Variants in ZSWIM5 observed in about 807,000 individuals in gnomAD.
ZSWIM5 encodes the protein zinc finger SWIM domain-containing protein 5.
A neutral mutation model predicts 119.6 loss-of-function variants in ZSWIM5; 55 were observed. The observed-to-expected ratio is 0.46, with a 90% CI of 0.37 to 0.58. The LOEUF (loss-of-function observed/expected upper bound fraction) is 0.58, where lower values mean the gene tolerates loss of function less well. Among genes scored for constraint, ZSWIM5 ranks in the 20% least tolerant of loss-of-function variants. The pLI, the probability that ZSWIM5 is intolerant of heterozygous loss-of-function variation, is 0.00. For missense variants in ZSWIM5, 1,193 were observed against 1,512.8 expected (o/e 0.79, Z 3.51); for synonymous variants, 537 against 606.9 (o/e 0.88, Z 1.69).
chr1:45,106,149 G>A (rs1332651455), intron 1 of ZSWIM5, among the ~76,000 whole-genome samples: 9 of 137,330 alleles, frequency 6.6e-5, no homozygotes, highest in South Asian at 4.7e-4. Flanking sequence ...GGTGAGGGGC[G>A]TCTCTGCCCG....
intron 1 of ZSWIM5, among the ~76,000 whole-genome samples, chr1:45,111,452 T>C (rs1446949563): frequency 1.3e-5 from 2 of 152,042 alleles, no homozygotes; most frequent in Non-Finnish European, 2.9e-5. Context: ...TAGTTTCCTA[T>C]CGCTGCTGTA....
chr1:45,111,781 C>T (rs947412422), intron 1 of ZSWIM5, among the ~76,000 whole-genome samples: 11 of 152,244 alleles, frequency 7.2e-5, no homozygotes, highest in African/African-American at 2.7e-4. Context: ...TTGCATTGGG[C>T]CTGCCCAGAT....
chr1:45,123,354 G>A (rs1482276251), intron 1 of ZSWIM5, among the ~76,000 whole-genome samples: 1 of 152,046 alleles, frequency 6.6e-6, no homozygotes, highest in Non-Finnish European at 1.5e-5. Flanking sequence ...TTTTCAATGA[G>A]CAATGACAAC....
At chr1:45,096,599 A>G (rs930812726) in intron 1 of ZSWIM5, among the ~76,000 whole-genome samples, 7 of 152,024 alleles carry the variant, frequency 4.6e-5, no homozygotes, top group African/African-American at 1.7e-4. Flanking sequence ...TTTAACACTG[A>G]GCAGGCCCTG....
chr1:45,174,550 T>C (rs1403672431), intron 1 of ZSWIM5, among the ~76,000 whole-genome samples: 1 of 143,514 alleles, frequency 7.0e-6, no homozygotes, highest in Non-Finnish European at 1.5e-5. Flanking sequence ...CTGGCCAACA[T>C]GGTGAAACCC....
chr1:45,062,331 C>G (rs144810181), intron 2 of ZSWIM5, among the ~76,000 whole-genome samples: 1 of 152,176 alleles, frequency 6.6e-6, no homozygotes, highest in African/African-American at 2.4e-5. Context: ...TGGGTCAGCA[C>G]AACAAAGCTA....
At chr1:45,198,363 G>A (rs1646138229) in intron 1 of ZSWIM5, among the ~76,000 whole-genome samples, 1 of 152,228 alleles carries the variant, frequency 6.6e-6, no homozygotes, top group African/African-American at 2.4e-5. Context: ...CTACCAAGAG[G>A]TGGCAGTGGT....
intron 2 of ZSWIM5, among the ~76,000 whole-genome samples, chr1:45,063,240 G>T (rs1447061754): frequency 6.6e-6 from 1 of 152,098 alleles, no homozygotes; most frequent in Non-Finnish European, 1.5e-5. Flanking sequence ...GGGCACCTAG[G>T]TTGATTCCAC....
chr1:45,098,992 G>T (rs1414862120), intron 1 of ZSWIM5, among the ~76,000 whole-genome samples: 1 of 152,132 alleles, frequency 6.6e-6, no homozygotes, highest in African/African-American at 2.4e-5. Context: ...AAAAGAACTA[G>T]AGAAGCAAGA....
intron 2 of ZSWIM5, among the ~76,000 whole-genome samples, chr1:45,071,359 G>A (rs1645220609): frequency 6.6e-6 from 1 of 151,166 alleles, no homozygotes; most frequent in East Asian, 2.0e-4. Flanking sequence ...AAACAAGTGA[G>A]AACATGTGAT....
At chr1:45,196,814 C>CA (rs1204736072) in intron 1 of ZSWIM5, among the ~76,000 whole-genome samples, 1 of 152,198 alleles carries the variant, frequency 6.6e-6, no homozygotes, top group Non-Finnish European at 1.5e-5. Flanking sequence ...GTAACCACTA[C>CA]AGTCATTAAC....
At chr1:45,169,871 A>G (rs1165484149) in intron 1 of ZSWIM5, among the ~76,000 whole-genome samples, 1 of 152,142 alleles carries the variant, frequency 6.6e-6, no homozygotes, top group African/African-American at 2.4e-5. Context: ...AAAGTATTAA[A>G]ACCTATATTA....
intron 11 of ZSWIM5, among the ~76,000 whole-genome samples, chr1:45,030,995 C>T (rs1291635166): frequency 6.0e-5 from 9 of 150,608 alleles, no homozygotes; most frequent in Non-Finnish European, 7.4e-5. Context: ...GACAGGGTTG[C>T]GCCATGTTGG....
intron 11 of ZSWIM5, among the ~76,000 whole-genome samples, chr1:45,032,629 G>T (rs1331724627): frequency 6.6e-6 from 1 of 151,836 alleles, no homozygotes; most frequent in East Asian, 1.9e-4. Flanking sequence ...GGGACTACAG[G>T]TGTGCACTAC....
intron 11 of ZSWIM5, among the ~76,000 whole-genome samples, chr1:45,022,420 G>A (rs751436761): frequency 2.0e-5 from 3 of 152,122 alleles, no homozygotes; most frequent in Non-Finnish European, 4.4e-5. Context: ...GTGAGCCACC[G>A]CACCTGACCT....
chr1:45,148,883 C>A (rs187216930), intron 1 of ZSWIM5, among the ~76,000 whole-genome samples: 1 of 152,188 alleles, frequency 6.6e-6, no homozygotes, highest in African/African-American at 2.4e-5. Context: ...AATATTCATA[C>A]TAATTTTTTT....
intron 1 of ZSWIM5, among the ~76,000 whole-genome samples, chr1:45,117,383 A>AG (rs11380791): frequency 0.33 from 50,582 of 152,080 alleles, 9,616 homozygotes; most frequent in African/African-American, 0.53. Context: ...ACTTCATAAA[A>AG]TAACAGGGAG....
intron 1 of ZSWIM5, among the ~76,000 whole-genome samples, chr1:45,150,900 T>C (rs922313124): frequency 6.6e-6 from 1 of 152,192 alleles, no homozygotes; most frequent in African/African-American, 2.4e-5. Flanking sequence ...AACTTCCACA[T>C]TGCCATTTGC....
At chr1:45,020,589 G>A (rs758385823) in intron 12 of ZSWIM5, 36 bp downstream of exon 12, 20 of 1,604,502 alleles carry the variant, frequency 1.2e-5, no homozygotes, top group Middle Eastern at 1.9e-4. Flanking sequence ...CTAGGTCAGC[G>A]GTCTAAACTG....
Sources: allele counts gnomAD v4.1 joint callset (sites outside exome capture counted in the v4.1 genomes callset), GRCh38; gene constraint gnomAD v4.1.1; transcripts MANE v1.5; gene names NCBI Gene and HGNC (gene_info 2026-07-23, HGNC 2026-07-21).